The following XPOT variants were observed in gnomAD, a reference collection of about 807,000 sequenced individuals.
XPOT encodes the protein exportin for tRNA, also known as exportin-T.
A neutral mutation model predicts 128.2 loss-of-function variants in XPOT; 34 were observed. That is an observed-to-expected ratio of 0.27 (90% CI 0.20 to 0.35). The LOEUF (loss-of-function observed/expected upper bound fraction) is 0.35. XPOT is among the 10% of genes least tolerant of loss of function. The pLI, the probability that XPOT is intolerant of heterozygous loss-of-function variation, is 1.00. For missense variants in XPOT, 838 were observed against 1,125.3 expected (o/e 0.74, Z 3.65); for synonymous variants, 348 against 394.3 (o/e 0.88, Z 1.39).
chr12:64,442,181 C>T (rs1429629889), intron 23 of XPOT, among the ~76,000 whole-genome samples: 5 of 152,116 alleles, frequency 3.3e-5, no homozygotes. Flanking sequence ...AGTGCAATGG[C>T]ACAATCTCTG....
At position 64,439,295 on chromosome 12, in the gene XPOT, G is replaced by A. The variant is rs1174230717; in HGVS notation, c.2785G>A (p.Val929Ile). The A allele has an allele frequency of 6.2e-7, 1 of 1,614,076 alleles. No individual in the cohort carries two copies. Among genetic ancestry groups the A allele is most frequent in the Admixed American group, 1.7e-5 (1 of 60,020 alleles). ...LQQEYLPSLQ[V>I]APEIIQEFCQ... is the part of the protein sequence containing the mutation. Reference sequence around the variant, plus strand: ...ACAAGAATACCTGCCCTCCTTGCAAGTAGCTCCAGAAATAATTCAGGTAAG... The same window carrying A: ...ACAAGAATACCTGCCCTCCTTGCAAATAGCTCCAGAAATAATTCAGGTAAG... The change falls in exon 23 of 25, where the codon GTA becomes ATA. Residue 929 changes from valine (V) to isoleucine (I), a missense_variant. Physicochemically the swap from Val to Ile is conservative, Grantham distance 29. This residue lies in a region of XPOT where 56 missense variants were observed against 79.2 expected (regional missense o/e 0.71). Coordinates refer to ENST00000332707, the MANE Select transcript of XPOT (RefSeq NM_007235.6).
chr12:64,405,604 A>G (rs769114547), intron 1 of XPOT, among the ~76,000 whole-genome samples: 6 of 152,126 alleles, frequency 3.9e-5, no homozygotes, highest in Non-Finnish European at 8.8e-5. Context: ...TACCGTATTG[A>G]AACATTTTTT....
chr12:64,424,738 A>T lies in XPOT; in HGVS notation c.1307+15A>T. 1 of 1,611,856 alleles carries T rather than the reference A, an allele frequency of 6.2e-7. No homozygotes were observed. Among genetic ancestry groups the T allele is most frequent in the South Asian group, 1.1e-5 (1 of 90,764 alleles). ...TCTACACTGCAGTAAGTTTGTCATT[A>T]CTTTTGTAACAAGCCTACTTCTTTC... is the stretch of plus-strand genomic sequence containing the variant. On this transcript the variant is annotated intron_variant, in intron 12 of 24. Coordinates refer to ENST00000332707, the MANE Select transcript of XPOT (RefSeq NM_007235.6).
At position 64,404,472 on chromosome 12, in the gene XPOT, G is replaced by GGCGGCGGCT. The variant is rs966199993; in HGVS notation, c.-398_-390dup. ...GCGCGCTTCGCGCTGACTCAGCGGC[G>GGCGGCGGCT]GCGGCGGCTGCGGCGGCGGCGGCGG... On this transcript the variant is annotated 5_prime_UTR_variant, in exon 1 of 25. Transcript: ENST00000332707. The GGCGGCGGCT allele has an allele frequency of 5.8e-4, 91 of 157,742 alleles. No homozygotes were observed. The highest frequency in any genetic ancestry group is 2.4e-3 in the East Asian group (13 of 5,408). 9.8% of individuals were successfully genotyped at this position (157,742 alleles called of 1,614,324 possible).
chr12:64,443,663 T>C (rs7976951), intron 23 of XPOT, among the ~76,000 whole-genome samples: 46,431 of 151,880 alleles, frequency 0.31, 7,630 homozygotes, highest in Middle Eastern at 0.48. Context: ...CCATGTTGGC[T>C]AGGCTGGTCT....
chr12:64,436,109 A>G (rs2040280035), intron 22 of XPOT, among the ~76,000 whole-genome samples: 1 of 152,060 alleles, frequency 6.6e-6, no homozygotes, highest in Non-Finnish European at 1.5e-5. Context: ...GGCACCCGCC[A>G]CCATGCCCGG....
chr12:64,427,959 T>A (rs2040206618), intron 15 of XPOT, 92 bp from the exon 16 acceptor site: 4 of 869,508 alleles, frequency 4.6e-6, no homozygotes, highest in South Asian at 1.5e-5. Flanking sequence ...CAACTGAACT[T>A]TTTTTTAGTT....
rs1036184332 is a variant in XPOT at position 64,419,111 on chromosome 12, G to T, written c.489+17G>T. The T allele has an allele frequency of 1.3e-5, 20 of 1,596,418 alleles. No individual in the cohort carries two copies. Among genetic ancestry groups the T allele is most frequent in the Non-Finnish European group, 1.5e-5 (17 of 1,169,410 alleles). Reference sequence around the variant, plus strand: ...ACATCAGAGGCAAGTAACTAACCATGAATTTTTTATATTTAATGTAAGTTT... The same window carrying T: ...ACATCAGAGGCAAGTAACTAACCATTAATTTTTTATATTTAATGTAAGTTT... On this transcript the variant is annotated intron_variant, in intron 6 of 24. Coordinates refer to ENST00000332707, the MANE Select transcript of XPOT (RefSeq NM_007235.6).
intron 19 of XPOT, 55 bp downstream of exon 19, chr12:64,433,658 C>T (rs1286551529): frequency 2.7e-6 from 4 of 1,482,270 alleles, no homozygotes; most frequent in Admixed American, 2.2e-5. Flanking sequence ...CACTGTTGTA[C>T]ATCTATATGA....
At chr12:64,419,637 T>C (rs1464311624) in intron 6 of XPOT, among the ~76,000 whole-genome samples, 2 of 152,222 alleles carry the variant, frequency 1.3e-5, no homozygotes, top group Non-Finnish European at 2.9e-5. Flanking sequence ...GCAAATACTG[T>C]AGTGACATAC....
chr12:64,406,275 C>T (rs558554211), intron 1 of XPOT, among the ~76,000 whole-genome samples: 11 of 151,870 alleles, frequency 7.2e-5, no homozygotes, highest in African/African-American at 2.4e-4. Context: ...GGCGTTTCAC[C>T]GTGTTGGTCA....
intron 2 of XPOT, among the ~76,000 whole-genome samples, chr12:64,412,031 C>CT (rs1394577489): frequency 3.6e-4 from 40 of 110,458 alleles, no homozygotes; most frequent in East Asian, 2.6e-3. Context: ...GCCCCCCGCC[C>CT]TTTTTTTTTT....
In XPOT at chr12:64,434,910, GT is replaced by G. The variant is rs1389620704; in HGVS notation, c.2685+2del. ...CCTGGCAGATGCACAAACAGTATTG[GT>G]AAGCACCTAGGAATCTTTGTTTACC... On this transcript the variant is annotated splice_donor_variant, in intron 21 of 24. Transcript: ENST00000332707. LOFTEE classifies it high-confidence loss of function. The G allele has an allele frequency of 6.2e-7, 1 of 1,611,118 alleles. No individual in the cohort carries two copies. Among genetic ancestry groups the G allele is most frequent in the Non-Finnish European group, 8.5e-7 (1 of 1,178,818 alleles).
chr12:64,425,573 T>C, intron 14 of XPOT, 116 bp downstream of exon 14: 6 of 1,336,172 alleles, frequency 4.5e-6, no homozygotes, highest in South Asian at 1.4e-5. Flanking sequence ...CAGAAGTGCT[T>C]GGCACACACT....
At chr12:64,447,482 A>AT (rs572182961) in intron 24 of XPOT, among the ~76,000 whole-genome samples, 169 of 147,266 alleles carry the variant, frequency 1.1e-3, no homozygotes, top group East Asian at 5.1e-3. Context: ...TCAATATTTA[A>AT]TTTTTTTTTT....
chr12:64,414,476 C>A (rs1230073644), intron 2 of XPOT, among the ~76,000 whole-genome samples: 3 of 152,112 alleles, frequency 2.0e-5, no homozygotes, highest in African/African-American at 7.2e-5. Flanking sequence ...TTTATAATCA[C>A]CGCTTTAATA....
Position 64,445,081 on chromosome 12 carries a change from T to C in XPOT, c.2812T>C (p.Cys938Arg). The change falls in exon 24 of 25, where the codon TGT becomes CGT. Residue 938 changes from cysteine to arginine, a missense_variant. Transcript: ENST00000332707. ...TCTTTTCCCCACCCCCCAGGAGTTT[T>C]GTCAAGCGCTTCAGCAGCCTGATGC... Reference protein sequence around the residue: ...QVAPEIIQEFCQALQQPDAKV... With the variant: ...QVAPEIIQEFRQALQQPDAKV... 1 of 1,610,410 alleles carries C rather than the reference T, an allele frequency of 6.2e-7. No individual in the cohort carries two copies. The highest frequency in any genetic ancestry group is 1.1e-5 in the South Asian group (1 of 90,348).
At chr12:64,443,374 G>A in intron 23 of XPOT, 1 of 152,344 alleles carries the variant, frequency 6.6e-6, no homozygotes, top group Non-Finnish European at 1.5e-5. Context: ...TCACTTCTCG[G>A]CAGATTGCTT....
Position 64,425,349 on chromosome 12 carries a change from A to G in XPOT, c.1464A>G (p.Ser488=). 1.2e-6 allele frequency: 2 copies of G among 1,612,944 alleles called. No homozygotes were observed. ...TTTTCCTGATCTAGCTGGTAACATC[A>G]GGAGTCAGTTCCTATCAGCATACAT... ...LQDMMRTLVT[S]GVSSYQHTSV... Residue 488 remains serine (S), a synonymous_variant, in exon 14 of 25, where the codon TCA becomes TCG. Coordinates refer to ENST00000332707, the MANE Select transcript of XPOT (RefSeq NM_007235.6).
Sources: allele counts gnomAD v4.1 joint callset (sites outside exome capture counted in the v4.1 genomes callset), GRCh38; gene constraint gnomAD v4.1.1; regional missense constraint gnomAD v4.1.1; transcripts MANE v1.5; gene names NCBI Gene and HGNC (gene_info 2026-07-23, HGNC 2026-07-21).